Variants in STK38 observed in about 807,000 individuals in gnomAD.
The protein encoded by STK38 is serine/threonine kinase 38.
In STK38, 26 loss-of-function variants were observed where a neutral mutation model predicts 59.0. That is an observed-to-expected ratio of 0.44 (90% CI 0.32 to 0.61). The LOEUF (loss-of-function observed/expected upper bound fraction) is 0.61. STK38 is among the 20% of genes least tolerant of loss of function. The pLI is 0.04. For missense variants in STK38, 433 were observed against 566.0 expected, an observed-to-expected ratio of 0.76 and a Z score of 2.38; for synonymous variants, 175 against 176.6, an observed-to-expected ratio of 0.99 and a Z score of 0.07.
intron 2 of STK38, among the ~76,000 whole-genome samples, chr6:36,529,607 A>G (rs550955330): frequency 5.3e-5 from 8 of 152,170 alleles, no homozygotes; most frequent in Non-Finnish European, 8.8e-5. Context: ...TGTTCCATTT[A>G]GTTGCGTGTG....
intron 2 of STK38, among the ~76,000 whole-genome samples, chr6:36,535,247 G>A (rs1215310192): frequency 2.0e-5 from 3 of 152,052 alleles, no homozygotes; most frequent in Non-Finnish European, 4.4e-5. Flanking sequence ...TCAGGAGTTC[G>A]AGACCAGCCT....
chr6:36,511,092 G>A (rs1042527439), intron 7 of STK38, among the ~76,000 whole-genome samples: 1 of 152,178 alleles, frequency 6.6e-6, no homozygotes, highest in African/African-American at 2.4e-5. Context: ...GAAGTGGTGT[G>A]GCCAAAATTT....
intron 5 of STK38, among the ~76,000 whole-genome samples, chr6:36,521,448 T>C (rs537729692): frequency 9.2e-5 from 14 of 151,904 alleles, no homozygotes; most frequent in African/African-American, 3.4e-4. Context: ...AAAAAAAGGC[T>C]CTCACAATAA....
intron 11 of STK38, 53 bp from the exon 12 acceptor site, chr6:36,497,928 GA>G: frequency 2.3e-6 from 2 of 852,590 alleles, no homozygotes; most frequent in South Asian, 2.0e-5. Flanking sequence ...CTCAGAAAAA[GA>G]AAAACTTTCT....
At chr6:36,520,702 T>C (rs971198494) in intron 5 of STK38, among the ~76,000 whole-genome samples, 1 of 152,190 alleles carries the variant, frequency 6.6e-6, no homozygotes, top group Non-Finnish European at 1.5e-5. Flanking sequence ...TAAACTATAG[T>C]GTCTCAAGAC....
At chr6:36,538,106 C>T (rs1038611119) in intron 2 of STK38, among the ~76,000 whole-genome samples, 12 of 151,926 alleles carry the variant, frequency 7.9e-5, no homozygotes, top group African/African-American at 2.9e-4. Flanking sequence ...TGAGACCATC[C>T]TGGCTAATAC....
intron 4 of STK38, 49 bp downstream of exon 4, chr6:36,524,292 T>C: frequency 6.3e-7 from 1 of 1,582,508 alleles, no homozygotes; most frequent in Non-Finnish European, 8.6e-7. Context: ...GTTAGAAGCT[T>C]TGAAGTTTTG....
At chr6:36,500,042 G>A (rs182129310) in intron 9 of STK38, 52 bp from the exon 10 acceptor site, 87 of 1,426,818 alleles carry the variant, frequency 6.1e-5, no homozygotes, top group East Asian at 4.6e-4. Flanking sequence ...GAGGTGCCCA[G>A]AGTTCTGTTC....
chr6:36,502,951 C>G (rs1007895571), intron 9 of STK38, among the ~76,000 whole-genome samples: 1 of 152,174 alleles, frequency 6.6e-6, no homozygotes, highest in African/African-American at 2.4e-5. Context: ...GCTGTTCGTT[C>G]AATTATTTTT....
intron 3 of STK38, among the ~76,000 whole-genome samples, chr6:36,524,691 G>A (rs917804444): frequency 6.6e-6 from 1 of 152,104 alleles, no homozygotes. Context: ...TGCCTCCTCT[G>A]GGAACTCTGA....
chr6:36,540,092 T>C lies in STK38; in HGVS notation c.111A>G (p.Gln37=), dbSNP rs769310252. 21 of 1,614,070 alleles carry C rather than the reference T, an allele frequency of 1.3e-5. No homozygotes were observed. The highest frequency in any genetic ancestry group is 1.6e-5 in the Non-Finnish European group (19 of 1,179,960). ...LENFYSNLIA[Q]HEEREMRQKK... is the part of the protein sequence containing the mutation. The stretch of plus-strand genomic sequence containing the variant: ...TTTACCTCATTTCTCGTTCTTCATG[T>C]TGAGCGATAAGGTTGCTATAAAAAT... Residue 37 remains glutamine, a synonymous_variant, in exon 2 of 14, where the codon CAA becomes CAG. Coordinates refer to ENST00000229812, the MANE Select transcript of STK38 (RefSeq NM_007271.4).
chr6:36,544,355 CCT>C (rs1475875622), intron 1 of STK38, among the ~76,000 whole-genome samples: 4 of 151,434 alleles, frequency 2.6e-5, no homozygotes, highest in Admixed American at 1.3e-4. Context: ...AAAAAAAAAA[CCT>C]CTGTTTGGTT....
At chr6:36,536,966 T>C (rs1777807059) in intron 2 of STK38, among the ~76,000 whole-genome samples, 1 of 152,008 alleles carries the variant, frequency 6.6e-6, no homozygotes, top group African/African-American at 2.4e-5. Flanking sequence ...CCTAAAGATT[T>C]TGTTAACAAG....
At chr6:36,539,511 G>A (rs1046014226) in intron 2 of STK38, among the ~76,000 whole-genome samples, 1 of 152,062 alleles carries the variant, frequency 6.6e-6, no homozygotes, top group Non-Finnish European at 1.5e-5. Flanking sequence ...AAACACTATG[G>A]TACATACTCA....
chr6:36,517,567 G>T, intron 6 of STK38, 150 bp downstream of exon 6: 1 of 923,464 alleles, frequency 1.1e-6, no homozygotes, highest in African/African-American at 1.7e-5. Context: ...GCACAAGACA[G>T]GTTACTGACT....
chr6:36,499,922 C>T lies in STK38; in HGVS notation c.903G>A (p.Lys301=). The T allele has an allele frequency of 6.2e-7, 1 of 1,614,104 alleles. No individual in the cohort carries two copies. Among genetic ancestry groups the T allele is most frequent in the East Asian group, 2.2e-5 (1 of 44,872 alleles). ...CCCCAAGCGACCACCAATCACAGAGCTTGTTGTACCCGGTCTGCATGAACA... is the reference window on the plus strand; with the variant it reads ...CCCCAAGCGACCACCAATCACAGAGTTTGTTGTACCCGGTCTGCATGAACA... ...PEVFMQTGYN[K]LCDWWSLGVI... is the part of the protein sequence containing the mutation. The change falls in exon 10 of 14, where the codon AAG becomes AAA. Residue 301 remains lysine, a synonymous_variant. Coordinates refer to ENST00000229812, the MANE Select transcript of STK38 (RefSeq NM_007271.4).
chr6:36,524,015 TC>T (rs774181742), intron 4 of STK38, among the ~76,000 whole-genome samples: 5 of 152,138 alleles, frequency 3.3e-5, no homozygotes, highest in Admixed American at 6.5e-5. Context: ...AATTTCACCA[TC>T]TATAAAATGG....
chr6:36,541,329 G>C (rs967170906), intron 1 of STK38, among the ~76,000 whole-genome samples: 4 of 152,154 alleles, frequency 2.6e-5, no homozygotes, highest in Non-Finnish European at 5.9e-5. Flanking sequence ...CTGGCTTCCT[G>C]GGAGGCCAAG....
chr6:36,497,942 T>C (rs1239107874), intron 11 of STK38, 67 bp from the exon 12 acceptor site: 20 of 764,766 alleles, frequency 2.6e-5, no homozygotes, highest in Admixed American at 1.0e-4. Context: ...AACTTTCTTT[T>C]TTTTTTTTTT....
Sources: gnomAD v4.1 joint callset for allele counts (sites outside exome capture counted in the v4.1 genomes callset) on GRCh38, gnomAD v4.1.1 for gene constraint, MANE v1.5 for transcripts, NCBI Gene and HGNC (gene_info 2026-07-23, HGNC 2026-07-21) for gene names.